KCNH1: variants seen among roughly 807,000 people sequenced by gnomAD.
KCNH1 encodes the protein potassium voltage-gated channel subfamily H member 1.
Under a neutral mutation model 69.2 loss-of-function variants are expected in KCNH1, and 27 were observed. The observed-to-expected ratio is 0.39, with a 90% confidence interval of 0.29 to 0.54. The LOEUF is 0.54. Among genes scored for constraint, KCNH1 ranks in the 20% least tolerant of loss-of-function variants. The pLI, the probability that KCNH1 is intolerant of heterozygous loss-of-function variation, is 0.68. For synonymous variants in KCNH1, 456 were observed against 487.7 expected (o/e 0.93, Z 0.86); for missense variants, 798 against 1,261.6 (o/e 0.63, Z 5.57).
chr1:210,914,761 C>T (rs183172284), intron 7 of KCNH1, among the ~76,000 whole-genome samples: 15 of 151,762 alleles, frequency 9.9e-5, no homozygotes, highest in East Asian at 3.9e-4. Flanking sequence ...CTTTAGCTGA[C>T]GCTCAGCTAG....
intron 5 of KCNH1, among the ~76,000 whole-genome samples, chr1:211,054,545 A>G (rs1234167187): frequency 6.6e-6 from 1 of 152,198 alleles, no homozygotes; most frequent in Non-Finnish European, 1.5e-5. Context: ...AAATCAAATT[A>G]GATATTAGCT....
chr1:210,944,551 C>T (rs373771963), intron 6 of KCNH1, among the ~76,000 whole-genome samples: 1 of 152,106 alleles, frequency 6.6e-6, no homozygotes. Flanking sequence ...AGGAGGGGAC[C>T]CCAGGGGTCA....
At chr1:210,765,778 T>C (rs746820009) in intron 10 of KCNH1, among the ~76,000 whole-genome samples, 7 of 152,260 alleles carry the variant, frequency 4.6e-5, no homozygotes, top group Middle Eastern at 3.4e-3. Flanking sequence ...TATACACCAA[T>C]AGGCCAGGTG....
chr1:211,084,728 T>C (rs968839808), intron 4 of KCNH1, among the ~76,000 whole-genome samples: 1 of 152,238 alleles, frequency 6.6e-6, no homozygotes, highest in African/African-American at 2.4e-5. Flanking sequence ...AAATAAGTTT[T>C]CGCCCAAGTT....
chr1:210,800,239 G>T (rs1684402119), intron 8 of KCNH1, among the ~76,000 whole-genome samples: 1 of 152,202 alleles, frequency 6.6e-6, no homozygotes, highest in African/African-American at 2.4e-5. Context: ...GCTTGCTAAG[G>T]ACTTACTTCC....
rs1034169127 is a variant in KCNH1, at chr1:211,071,465, G to A, written c.558+11315C>T. On this transcript the variant is annotated intron_variant, in intron 5 of 10. Transcript: ENST00000271751. ...TCACAACATTTAAGTGGACACTCAC[G>A]ATACTTGAGTTCACAGCAAGAACAA... Among the ~76,000 whole-genome samples, 8 of 152,280 alleles carry A rather than the reference G, an allele frequency of 5.3e-5. 1 individual carries two copies. Among genetic ancestry groups the A allele is most frequent in the Non-Finnish European group, 5.9e-5 (4 of 68,018 alleles).
rs1424647128 is a variant in KCNH1 at position 210,683,383 on chromosome 1, C to A, written c.2868G>T (p.Arg956Ser). 1 of 1,614,156 alleles carries A rather than the reference C, an allele frequency of 6.2e-7. No homozygotes were observed. Among genetic ancestry groups the A allele is most frequent in the Admixed American group, 1.7e-5 (1 of 60,018 alleles). Residue 956 changes from arginine to serine, a missense_variant, in exon 11 of 11, where the codon AGG becomes AGT. This residue lies in a region of KCNH1 where 331 missense variants were observed against 363.2 expected (regional missense o/e 0.91). Transcript: ENST00000271751. The surrounding 1 kb of genome is among the most constrained non-coding windows in gnomAD (Gnocchi z 5.7). ...NIEKQLSEILRILTSRRSSQS... is the reference protein window; with the variant it reads ...NIEKQLSEILSILTSRRSSQS... ...GAGAGGATCTTCTGGAAGTTAATAT[C>A]CTGAGTATCTCAGAGAGCTGTTTCT...
intron 10 of KCNH1, among the ~76,000 whole-genome samples, chr1:210,774,825 T>A (rs370227048): frequency 6.6e-6 from 1 of 152,208 alleles, no homozygotes; most frequent in Non-Finnish European, 1.5e-5. Context: ...AGTTGGGAGT[T>A]GAATGCAAAA....
intron 5 of KCNH1, among the ~76,000 whole-genome samples, chr1:211,026,389 A>C (rs534798602): frequency 2.0e-5 from 3 of 151,562 alleles, no homozygotes; most frequent in South Asian, 2.1e-4. Context: ...AAAAAAAAAA[A>C]AAAAAACAAC....
In KCNH1 at chr1:210,682,197, G is replaced by A. The variant is rs569835927; in HGVS notation, c.*1084C>T. 5 of 152,140 alleles carry A rather than the reference G, an allele frequency of 3.3e-5. No individual in the cohort carries two copies. The highest frequency in any genetic ancestry group is 5.9e-5 in the Non-Finnish European group (4 of 68,034). 9.4% of individuals were successfully genotyped at this position (152,140 alleles called of 1,614,324 possible). On this transcript the variant is annotated 3_prime_UTR_variant, in exon 11 of 11. Coordinates refer to ENST00000271751, the MANE Select transcript of KCNH1 (RefSeq NM_172362.3). ...ACTTTAATAGGAAATAGAGAGACTG[G>A]CTTTAAAATAAGGCCCAGCATGGCT...
chr1:210,880,948 G>A (rs1686479547), intron 7 of KCNH1, among the ~76,000 whole-genome samples: 3 of 151,696 alleles, frequency 2.0e-5, no homozygotes, highest in African/African-American at 4.8e-5. Flanking sequence ...ATAAACAGAT[G>A]GTAAGTAAGC....
At chr1:210,869,995 A>G (rs971029366) in intron 7 of KCNH1, among the ~76,000 whole-genome samples, 1 of 152,016 alleles carries the variant, frequency 6.6e-6, no homozygotes, top group African/African-American at 2.4e-5. Context: ...TTCAAATTCA[A>G]ATTTTTGTCT....
At chr1:211,105,623 T>C (rs1455071987) in intron 2 of KCNH1, among the ~76,000 whole-genome samples, 1 of 152,200 alleles carries the variant, frequency 6.6e-6, no homozygotes, top group Non-Finnish European at 1.5e-5. Context: ...AAAAGAAAAG[T>C]TGGTTAAATT....
At chr1:210,875,870 G>GA (rs975564154) in intron 7 of KCNH1, among the ~76,000 whole-genome samples, 4 of 150,374 alleles carry the variant, frequency 2.7e-5, no homozygotes, top group Admixed American at 6.6e-5. Context: ...CATCTAATAA[G>GA]AAAAAAACAG....
intron 7 of KCNH1, among the ~76,000 whole-genome samples, chr1:210,844,061 G>A (rs1685482303): frequency 6.6e-6 from 1 of 152,172 alleles, no homozygotes; most frequent in South Asian, 2.1e-4. Context: ...GCAGCAACTG[G>A]TGCCCTTAGG....
intron 6 of KCNH1, among the ~76,000 whole-genome samples, chr1:211,013,513 G>A (rs1191326929): frequency 6.6e-6 from 1 of 152,158 alleles, no homozygotes; most frequent in Non-Finnish European, 1.5e-5. Context: ...GGGCCCCAGG[G>A]ACTGAAATGC....
intron 10 of KCNH1, among the ~76,000 whole-genome samples, chr1:210,746,114 C>T (rs137976703): frequency 6.6e-6 from 1 of 152,050 alleles, no homozygotes; most frequent in East Asian, 1.9e-4. Flanking sequence ...GGGCAGTGAC[C>T]CTCTAAAAAG....
At chr1:210,739,274 C>T (rs779149445) in intron 10 of KCNH1, among the ~76,000 whole-genome samples, 1 of 152,182 alleles carries the variant, frequency 6.6e-6, no homozygotes, top group Non-Finnish European at 1.5e-5. Context: ...AGAGTCCAGA[C>T]GTTAGAGCTT....
At chr1:210,748,128 GCAT>G (rs1683202557) in intron 10 of KCNH1, among the ~76,000 whole-genome samples, 1 of 152,216 alleles carries the variant, frequency 6.6e-6, no homozygotes, top group Admixed American at 6.5e-5. Context: ...CCAGGGTGAT[GCAT>G]CATGTGTCAG....
Sources: gnomAD v4.1 joint callset for allele counts (sites outside exome capture counted in the v4.1 genomes callset) on GRCh38, gnomAD v4.1.1 for gene constraint, gnomAD v4.1.1 regional missense constraint, Gnocchi (gnomAD v3.1) non-coding constraint, MANE v1.5 for transcripts, NCBI Gene and HGNC (gene_info 2026-07-23, HGNC 2026-07-21) for gene names.